Variants in RBPMS observed in about 807,000 individuals in gnomAD.
RBPMS encodes the protein RNA binding protein, mRNA processing factor.
Under a neutral mutation model 26.8 loss-of-function variants are expected in RBPMS, and 7 were observed. That is an observed-to-expected ratio of 0.26 (90% CI 0.15 to 0.49). The LOEUF is 0.49. Among genes scored for constraint, RBPMS ranks in the 20% least tolerant of loss-of-function variants. The pLI is 0.98. For synonymous variants in RBPMS, 96 were observed against 93.3 expected (o/e 1.03, Z -0.17); for missense variants, 186 against 250.0 (o/e 0.74, Z 1.73).
intron 1 of RBPMS, among the ~76,000 whole-genome samples, chr8:30,432,297 T>C (rs771487924): frequency 6.6e-5 from 10 of 152,368 alleles, no homozygotes; most frequent in South Asian, 2.1e-4. Context: ...TGAGATGCTC[T>C]GAGTCTTTGG....
intron 1 of RBPMS, among the ~76,000 whole-genome samples, chr8:30,456,428 A>C (rs1815222983): frequency 6.6e-6 from 1 of 152,166 alleles, no homozygotes; most frequent in Non-Finnish European, 1.5e-5. Flanking sequence ...GGTCCATAGT[A>C]CTTTTGACAC....
chr8:30,460,540 A>G (rs1243172772), intron 1 of RBPMS, among the ~76,000 whole-genome samples: 1 of 152,186 alleles, frequency 6.6e-6, no homozygotes, highest in Non-Finnish European at 1.5e-5. Context: ...TCCTGGTATT[A>G]GCTTCAAAAT....
chr8:30,385,066 C>A lies in RBPMS; in HGVS notation c.-27C>A. On this transcript the variant is annotated 5_prime_UTR_variant, in exon 1 of 9. Transcript: ENST00000397323. Reference sequence around the variant, plus strand: ...GCCCAGCCCCGCGCCCCAGCCCTGCCCGGCCCGGCGAGGAAGGACCGGGAA... The same window carrying A: ...GCCCAGCCCCGCGCCCCAGCCCTGCACGGCCCGGCGAGGAAGGACCGGGAA... The A allele has an allele frequency of 6.7e-7, 1 of 1,497,766 alleles. No individual in the cohort carries two copies. The highest frequency in any genetic ancestry group is 1.5e-5 in the African/African-American group (1 of 68,904). 92.8% of individuals were successfully genotyped at this position (1,497,766 alleles called of 1,614,324 possible).
At chr8:30,389,364 G>A (rs1460797255) in intron 1 of RBPMS, among the ~76,000 whole-genome samples, 1 of 152,150 alleles carries the variant, frequency 6.6e-6, no homozygotes, top group African/African-American at 2.4e-5. Context: ...GTTTTCAGAT[G>A]GGTAGTTTGG....
At position 30,570,757 on chromosome 8, in the gene RBPMS, TATAATTGTAAGAA is replaced by T. The variant is rs1828217831; in HGVS notation, c.*236_*248del. ...AAAAATGTTTTACTCTTTTACACTG[TATAATTGTAAGAA>T]ATAGCGTATTATTTGTGAATGCATG... On this transcript the variant is annotated 3_prime_UTR_variant, in exon 9 of 9. Transcript: ENST00000397323. 1 of 152,684 alleles carries T rather than the reference TATAATTGTAAGAA, an allele frequency of 6.5e-6. No homozygotes were observed. Among genetic ancestry groups the T allele is most frequent in the Non-Finnish European group, 1.5e-5 (1 of 68,050 alleles). 9.5% of individuals were successfully genotyped at this position (152,684 alleles called of 1,614,324 possible).
chr8:30,389,495 G>A, intron 1 of RBPMS, among the ~76,000 whole-genome samples: 1 of 152,182 alleles, frequency 6.6e-6, no homozygotes, highest in Admixed American at 6.5e-5. Flanking sequence ...GGGTACTTTT[G>A]TGCAGAGCAG....
rs1479737093 is a variant in RBPMS, at chr8:30,555,877, C to G, written c.529-3010C>G. On this transcript the variant is annotated intron_variant, in intron 6 of 8. Coordinates refer to ENST00000397323, the MANE Select transcript of RBPMS (RefSeq NM_001008710.3). ...GAGAGAACCCTCTCCTCATTACCCCCACACAGTGATTAGCGCGGAGCAGCT... is the reference window on the plus strand; with the variant it reads ...GAGAGAACCCTCTCCTCATTACCCCGACACAGTGATTAGCGCGGAGCAGCT... The G allele has an allele frequency of 8.1e-6, 8 of 985,320 alleles. No homozygotes were observed. In the South Asian group the frequency reaches 2.3e-4, roughly 29 times the overall value. 61.0% of individuals were successfully genotyped at this position (985,320 alleles called of 1,614,324 possible). A position where few individuals can be genotyped will look rare whatever the true frequency, so the allele number is the denominator to read the frequency against.
chr8:30,503,766 T>TA (rs1289095085), intron 4 of RBPMS, among the ~76,000 whole-genome samples: 1 of 152,116 alleles, frequency 6.6e-6, no homozygotes, highest in Non-Finnish European at 1.5e-5. Flanking sequence ...ACATTTAAAA[T>TA]ACACTCTCTT....
chr8:30,531,759 C>G (rs1824247035), intron 5 of RBPMS, among the ~76,000 whole-genome samples: 1 of 152,142 alleles, frequency 6.6e-6, no homozygotes, highest in South Asian at 2.1e-4. Context: ...TATGGTTGTT[C>G]TTAAACTTGT....
At chr8:30,477,928 G>T in intron 3 of RBPMS, 91 bp downstream of exon 3, 4 of 869,668 alleles carry the variant, frequency 4.6e-6, no homozygotes, top group Non-Finnish European at 7.5e-6. Context: ...ATTCCCATTA[G>T]AATTTGAGGG....
chr8:30,520,701 T>C (rs1245306504), intron 5 of RBPMS, among the ~76,000 whole-genome samples: 2 of 152,026 alleles, frequency 1.3e-5, no homozygotes, highest in East Asian at 1.9e-4. Context: ...GAAAAGGAGG[T>C]TGAGGTAGGA....
chr8:30,521,569 G>A (rs1320403203), intron 5 of RBPMS, among the ~76,000 whole-genome samples: 1 of 152,086 alleles, frequency 6.6e-6, no homozygotes, highest in Non-Finnish European at 1.5e-5. Context: ...CCCTCAGTTA[G>A]GGTTATTATC....
chr8:30,563,951 C>T (rs1410247090), intron 7 of RBPMS: 2 of 152,252 alleles, frequency 1.3e-5, no homozygotes, highest in Non-Finnish European at 2.9e-5. Context: ...CGTAACTGTC[C>T]GTCATACCTA....
chr8:30,481,546 C>CT lies in RBPMS; in HGVS notation c.246+2180dup, dbSNP rs541133965. Among the ~76,000 whole-genome samples the CT allele has an allele frequency of 5.2e-3, 755 of 146,588 alleles. 2 individuals are homozygous for CT. The highest frequency in any genetic ancestry group is 7.5e-3 in the Non-Finnish European group (497 of 66,170). On this transcript the variant is annotated intron_variant, in intron 4 of 8. Transcript: ENST00000397323. ...TTCTTCTTGCACTAGGCTCTCCATTCTTTTTTTTTTTCACTGGCAGTACGC... is the reference window on the plus strand; with the variant it reads ...TTCTTCTTGCACTAGGCTCTCCATTCTTTTTTTTTTTTCACTGGCAGTACGC...
At chr8:30,520,463 C>T (rs961954851) in intron 5 of RBPMS, among the ~76,000 whole-genome samples, 2 of 152,076 alleles carry the variant, frequency 1.3e-5, no homozygotes, top group Admixed American at 6.6e-5. Flanking sequence ...TTCTGATGCT[C>T]AGGGGCAGGG....
At chr8:30,450,741 C>G (rs1814465924) in intron 1 of RBPMS, among the ~76,000 whole-genome samples, 1 of 133,434 alleles carries the variant, frequency 7.5e-6, no homozygotes, top group African/African-American at 3.0e-5. Flanking sequence ...CAGGTAAATG[C>G]AGTGACCAGT....
intron 5 of RBPMS, among the ~76,000 whole-genome samples, chr8:30,513,813 G>T (rs989743432): frequency 6.6e-6 from 1 of 152,108 alleles, no homozygotes; most frequent in Admixed American, 6.5e-5. Context: ...CTTGCTCATT[G>T]TGAAGGAAGG....
intron 1 of RBPMS, among the ~76,000 whole-genome samples, chr8:30,427,537 G>A (rs938559403): frequency 6.6e-6 from 1 of 152,208 alleles, no homozygotes; most frequent in Non-Finnish European, 1.5e-5. Flanking sequence ...TCAAATGGAA[G>A]CCTCGCTGAA....
chr8:30,505,934 T>C (rs1023726622), intron 5 of RBPMS, among the ~76,000 whole-genome samples: 11 of 152,178 alleles, frequency 7.2e-5, no homozygotes, highest in African/African-American at 2.7e-4. Flanking sequence ...TTAGTGAATT[T>C]GCCAGCCTCA....
Sources: allele counts gnomAD v4.1 joint callset (sites outside exome capture counted in the v4.1 genomes callset), GRCh38; gene constraint gnomAD v4.1.1; transcripts MANE v1.5; gene names NCBI Gene and HGNC (gene_info 2026-07-23, HGNC 2026-07-21).